The following FHL5 variants were observed in gnomAD, a reference collection of about 807,000 sequenced individuals.
FHL5 encodes four and a half LIM domains 5.
In FHL5, 33 loss-of-function variants were observed where a neutral mutation model predicts 32.0. The ratio of observed to expected loss-of-function variants is 1.03; its 90% CI spans 0.78 to 1.38. The LOEUF is 1.38. Ranked by LOEUF, FHL5 falls within the 40% of genes most tolerant of loss-of-function variation. The pLI is 0.00. For synonymous variants in FHL5, 114 were observed against 113.6 expected, an observed-to-expected ratio of 1.00 and a Z score of -0.02; for missense variants, 336 against 343.9, an observed-to-expected ratio of 0.98 and a Z score of 0.18.
chr6:96,582,315 C>T (rs116370745), intron 1 of FHL5, among the ~76,000 whole-genome samples: 1,774 of 152,120 alleles, frequency 0.012, 33 homozygotes, highest in African/African-American at 0.034. Flanking sequence ...AAAGGCAATA[C>T]TCTCATGGTC....
chr6:96,611,340 TGAAA>T (rs1562066194), intron 5 of FHL5, among the ~76,000 whole-genome samples: 2 of 152,004 alleles, frequency 1.3e-5, no homozygotes, highest in African/African-American at 4.8e-5. Flanking sequence ...TATGAGTAGA[TGAAA>T]GAAAACAAGA....
chr6:96,604,655 T>G, intron 2 of FHL5, 95 bp from the exon 3 acceptor site: 2 of 888,452 alleles, frequency 2.3e-6, no homozygotes, highest in South Asian at 4.2e-5. Context: ...CACAACCTAC[T>G]GACATGAGAG....
At chr6:96,570,477 G>T (rs1770452798) in intron 1 of FHL5, among the ~76,000 whole-genome samples, 1 of 151,924 alleles carries the variant, frequency 6.6e-6, no homozygotes, top group East Asian at 1.9e-4. Context: ...ATCTATTTGG[G>T]GAATTTTGAG....
intron 5 of FHL5, among the ~76,000 whole-genome samples, chr6:96,614,016 T>A (rs985108950): frequency 6.6e-6 from 1 of 152,236 alleles, no homozygotes; most frequent in Non-Finnish European, 1.5e-5. Context: ...TGAATGGCTT[T>A]CTTACTGCAA....
chr6:96,565,816 T>A (rs953629396), intron 1 of FHL5, among the ~76,000 whole-genome samples: 4 of 152,124 alleles, frequency 2.6e-5, no homozygotes, highest in Non-Finnish European at 4.4e-5. Context: ...ATGTCATAAG[T>A]CACATGACTT....
At chr6:96,566,600 T>C (rs1482040194) in intron 1 of FHL5, among the ~76,000 whole-genome samples, 1 of 152,000 alleles carries the variant, frequency 6.6e-6, no homozygotes, top group East Asian at 1.9e-4. Context: ...AATGGGCATA[T>C]ATATGCATAT....
Position 96,604,854 on chromosome 6 carries a change from G to C in FHL5, c.264G>C (p.Leu88=), listed in dbSNP as rs1771237981. 6.2e-7 allele frequency: 1 copy of C among 1,614,018 alleles called. No individual in the cohort carries two copies. The highest frequency in any genetic ancestry group is 2.2e-5 in the East Asian group (1 of 44,878). ...EKPFAAKDER[L]LCTECYSNEC... ...CTTTTGCTGCCAAGGATGAGCGCCT[G>C]CTGTGCACGGAGTGCTATTCTAACG... Residue 88 remains leucine, a synonymous_variant, in exon 3 of 6, where the codon CTG becomes CTC. Transcript: ENST00000450218.
chr6:96,615,351 A>C (rs896867765), intron 5 of FHL5, among the ~76,000 whole-genome samples: 1 of 152,152 alleles, frequency 6.6e-6, no homozygotes, highest in Non-Finnish European at 1.5e-5. Flanking sequence ...CCTGACTTGC[A>C]TATTAGCATT....
At chr6:96,602,539 C>T (rs1468045274) in intron 1 of FHL5, among the ~76,000 whole-genome samples, 2 of 145,870 alleles carry the variant, frequency 1.4e-5, no homozygotes, top group African/African-American at 2.6e-5. Context: ...CTCCGCCTCC[C>T]GGGTTCACGC....
rs749739428 is a variant in FHL5 at position 96,604,869 on chromosome 6, C to T, written c.279C>T (p.Cys93=). The T allele has an allele frequency of 6.2e-7, 1 of 1,613,748 alleles. No individual in the cohort carries two copies. Among genetic ancestry groups the T allele is most frequent in the Non-Finnish European group, 8.5e-7 (1 of 1,179,770 alleles). The change falls in exon 3 of 6, where the codon TGC becomes TGT. Residue 93 remains cysteine, a synonymous_variant. Transcript: ENST00000450218. The part of the protein sequence containing the change: ...AKDERLLCTE[C]YSNECSSKCF... ...ATGAGCGCCTGCTGTGCACGGAGTG[C>T]TATTCTAACGAGTGCTCCTCCAAGT... is the stretch of plus-strand genomic sequence containing the variant.
intron 1 of FHL5, among the ~76,000 whole-genome samples, chr6:96,566,581 G>A (rs1461290122): frequency 6.6e-6 from 1 of 151,714 alleles, no homozygotes; most frequent in African/African-American, 2.4e-5. Flanking sequence ...CCTTCAAACT[G>A]TTTTCCATAA....
At chr6:96,595,981 A>G (rs1054058815) in intron 1 of FHL5, among the ~76,000 whole-genome samples, 2 of 151,946 alleles carry the variant, frequency 1.3e-5, no homozygotes, top group Non-Finnish European at 2.9e-5. Context: ...TAAATATTTT[A>G]ATTGTGAATT....
chr6:96,579,540 A>G (rs761811640), intron 1 of FHL5, among the ~76,000 whole-genome samples: 3 of 152,184 alleles, frequency 2.0e-5, no homozygotes, highest in Non-Finnish European at 2.9e-5. Context: ...CCATGTATGG[A>G]TATAATTTCC....
chr6:96,614,916 G>T lies in FHL5; in HGVS notation c.692-693G>T, dbSNP rs114342218. Among the ~76,000 whole-genome samples, 1,185 of 152,276 alleles carry T rather than the reference G, an allele frequency of 7.8e-3. 15 individuals carry two copies. Among genetic ancestry groups the T allele is most frequent in the South Asian group, 0.041 (197 of 4,824 alleles). ...GACAAAGCTCTTAGAAACCAATCAC[G>T]TGATAACGTGGCTTCATTGGCCAGA... On this transcript the variant is annotated intron_variant, in intron 5 of 5. Coordinates refer to ENST00000450218, the MANE Select transcript of FHL5 (RefSeq NM_001322466.2).
intron 1 of FHL5, among the ~76,000 whole-genome samples, chr6:96,586,475 ATTC>A (rs1770799515): frequency 1.3e-5 from 2 of 152,302 alleles, no homozygotes; most frequent in Non-Finnish European, 2.9e-5. Context: ...AGCAACATAA[ATTC>A]TTCTAAAATT....
At chr6:96,571,393 T>C (rs1003141497) in intron 1 of FHL5, among the ~76,000 whole-genome samples, 2 of 152,174 alleles carry the variant, frequency 1.3e-5, no homozygotes, top group African/African-American at 2.4e-5. Context: ...TGGTTTTCTC[T>C]AAAATAAGGA....
At chr6:96,579,882 A>G (rs142200632) in intron 1 of FHL5, among the ~76,000 whole-genome samples, 1 of 152,212 alleles carries the variant, frequency 6.6e-6, no homozygotes, top group African/African-American at 2.4e-5. Context: ...ATCAAAGTCT[A>G]GCCCTTCCCT....
rs765701843 is a variant in FHL5 at position 96,606,075 on chromosome 6, A to C, written c.504+4A>C. The C allele has an allele frequency of 1.8e-5, 29 of 1,612,740 alleles. No homozygotes were observed. The highest frequency in any genetic ancestry group is 3.4e-6 in the Non-Finnish European group (4 of 1,179,116). On this transcript the variant is annotated splice_donor_region_variant and intron_variant, in intron 4 of 5. Transcript: ENST00000450218. ...CTACTGCAACTTTTGTAAGAAGGTAATTTTCTAAAGAGGGTGAAGCTTGTG... is the reference window on the plus strand; with the variant it reads ...CTACTGCAACTTTTGTAAGAAGGTACTTTTCTAAAGAGGGTGAAGCTTGTG...
intron 1 of FHL5, among the ~76,000 whole-genome samples, chr6:96,587,128 C>T (rs1770815429): frequency 6.6e-6 from 1 of 152,204 alleles, no homozygotes; most frequent in Admixed American, 6.5e-5. Context: ...AGAACAATAA[C>T]ATCTGTTTAT....
Sources: allele counts gnomAD v4.1 joint callset (sites outside exome capture counted in the v4.1 genomes callset), GRCh38; gene constraint gnomAD v4.1.1; transcripts MANE v1.5; gene names NCBI Gene and HGNC (gene_info 2026-07-23, HGNC 2026-07-21).